Variants in TNS1 observed in about 807,000 individuals in gnomAD.
TNS1 encodes the protein tensin 1.
Under a neutral mutation model 168.6 loss-of-function variants are expected in TNS1, and 62 were observed. The ratio of observed to expected loss-of-function variants is 0.37; its 90% CI spans 0.30 to 0.45. The LOEUF is 0.45. TNS1 is among the 20% of genes least tolerant of loss of function. The pLI, the probability that TNS1 is intolerant of heterozygous loss-of-function variation, is 1.00. For synonymous variants in TNS1, 934 were observed against 933.2 expected (o/e 1.00, Z -0.02); for missense variants, 2,240 against 2,339.4 (o/e 0.96, Z 0.88).
rs1479860678 is a variant in TNS1, at chr2:217,886,104, C to G, written c.980G>C (p.Gly327Ala). The change falls in exon 14 of 33, where the codon GGA becomes GCA. Residue 327 changes from glycine (G) to alanine (A), a missense_variant and splice_region_variant. This residue lies in a region of TNS1 where 2,131 missense variants were observed against 2,171.2 expected (regional missense o/e 0.98). Coordinates refer to ENST00000682258, the MANE Select transcript of TNS1 (RefSeq NM_001387777.1). ...HGIPNFESKG[G>A]CRPFLRIYQA... ...GTAGATGCGGAGAAATGGCCGACAT[C>G]CTGTAAAAGTGGGGTGGGTGTTAGC... 3.7e-6 allele frequency: 6 copies of G among 1,613,528 alleles called. No individual in the cohort carries two copies. Among genetic ancestry groups the G allele is most frequent in the Non-Finnish European group, 4.2e-6 (5 of 1,179,958 alleles).
At chr2:217,949,847 T>A (rs1957199372) in intron 3 of TNS1, among the ~76,000 whole-genome samples, 1 of 152,164 alleles carries the variant, frequency 6.6e-6, no homozygotes, top group African/African-American at 2.4e-5. Context: ...CAAGGGAACA[T>A]TTTTCTTGGG....
intron 3 of TNS1, among the ~76,000 whole-genome samples, chr2:217,927,858 T>G (rs1956114455): frequency 6.6e-6 from 1 of 152,224 alleles, no homozygotes; most frequent in Non-Finnish European, 1.5e-5. Context: ...AGGCAGCTTC[T>G]GAGCCCTGTT....
Position 217,817,674 on chromosome 2 carries a change from AG to A in TNS1, c.4642+15del. The A allele has an allele frequency of 1.3e-6, 2 of 1,566,162 alleles. No homozygotes were observed. Among genetic ancestry groups the A allele is most frequent in the Non-Finnish European group, 8.7e-7 (1 of 1,150,774 alleles). On this transcript the variant is annotated intron_variant, in intron 24 of 32. Coordinates refer to ENST00000682258, the MANE Select transcript of TNS1 (RefSeq NM_001387777.1). Reference sequence around the variant, plus strand: ...CATCAGCAGGAGAGGTGAAAATGGAAGGGGGAGAGGCCCACCTGGCATGGAG... The same window carrying A: ...CATCAGCAGGAGAGGTGAAAATGGAAGGGGAGAGGCCCACCTGGCATGGAG...
At chr2:217,896,551 C>G (rs1395657160) in intron 8 of TNS1, among the ~76,000 whole-genome samples, 11 of 152,230 alleles carry the variant, frequency 7.2e-5, no homozygotes, top group Admixed American at 7.2e-4. Flanking sequence ...AGAAGGGATT[C>G]TCTGCCATAG....
At chr2:217,877,625 C>G (rs1010051166) in intron 18 of TNS1, among the ~76,000 whole-genome samples, 1 of 152,196 alleles carries the variant, frequency 6.6e-6, no homozygotes, top group East Asian at 1.9e-4. Context: ...CGGGAGAGGG[C>G]TCTAAGTGTC....
intron 19 of TNS1, chr2:217,841,198 C>G: frequency 4.1e-6 from 4 of 984,870 alleles, no homozygotes; most frequent in Non-Finnish European, 4.8e-6. Context: ...GAGCCACCCA[C>G]CAGAGAGGGA....
At chr2:217,876,338 G>T (rs997168555) in intron 18 of TNS1, among the ~76,000 whole-genome samples, 3 of 152,186 alleles carry the variant, frequency 2.0e-5, no homozygotes, top group Admixed American at 1.3e-4. Flanking sequence ...CCTGGAATCT[G>T]GGCACGGGGC....
intron 3 of TNS1, among the ~76,000 whole-genome samples, chr2:217,922,058 CG>C (rs1416425838): frequency 6.6e-6 from 1 of 152,156 alleles, no homozygotes; most frequent in Non-Finnish European, 1.5e-5. Context: ...CCCAGAAGCC[CG>C]GGGTCCTTAA....
chr2:217,896,999 G>C (rs1952379475), intron 8 of TNS1, among the ~76,000 whole-genome samples: 1 of 152,148 alleles, frequency 6.6e-6, no homozygotes, highest in South Asian at 2.1e-4. Context: ...GATGGATTGA[G>C]TCCAAAGAGG....
In TNS1 at chr2:217,818,205, A is replaced by C; in HGVS notation, c.4127T>G (p.Leu1376Arg). The C allele has an allele frequency of 6.2e-7, 1 of 1,613,862 alleles. No individual in the cohort carries two copies. The highest frequency in any genetic ancestry group is 8.5e-7 in the Non-Finnish European group (1 of 1,179,912). The change falls in exon 24 of 33, where the codon CTG (leucine) becomes CGG (arginine). Residue 1376 changes from leucine (L) to arginine (R), a missense_variant. By Grantham distance (102) the Leu-to-Arg change is moderately radical (BLOSUM62 -2). This residue lies in a region of TNS1 where 2,131 missense variants were observed against 2,171.2 expected (regional missense o/e 0.98). Transcript: ENST00000682258. ...KVATTPGSPSLGRHPGAHQGN... is the reference protein window; with the variant it reads ...KVATTPGSPSRGRHPGAHQGN... ...TTGGTGAGCCCCAGGGTGCCGGCCCAGGCTGGGACTCCCCGGGGTGGTGGC... is the reference window on the plus strand; with the variant it reads ...TTGGTGAGCCCCAGGGTGCCGGCCCCGGCTGGGACTCCCCGGGGTGGTGGC...
In TNS1 at chr2:217,848,118, A is replaced by G. The variant is rs1378305494; in HGVS notation, c.2399T>C (p.Leu800Pro). ...CTGAGGGCTGGGCCTGCTGGCTACA[A>G]GACTCTCCAAGTGGGCTCTTTCCTG... ...RQQERAHLES[L>P]VASRPSPQPL... The change falls in exon 19 of 33, where the codon CTT becomes CCT. Residue 800 changes from leucine (L) to proline (P), a missense_variant. This residue lies in a region of TNS1 where 2,131 missense variants were observed against 2,171.2 expected (regional missense o/e 0.98). Transcript: ENST00000682258. The G allele has an allele frequency of 3.2e-6, 5 of 1,584,700 alleles. No homozygotes were observed. The highest frequency in any genetic ancestry group is 4.3e-6 in the Non-Finnish European group (5 of 1,166,680).
intron 19 of TNS1, among the ~76,000 whole-genome samples, chr2:217,841,606 G>T (rs932813835): frequency 6.6e-6 from 1 of 152,052 alleles, no homozygotes; most frequent in Non-Finnish European, 1.5e-5. Flanking sequence ...GCACCACAGC[G>T]TTTCCCTCTC....
chr2:217,931,128 C>T (rs1457104129), intron 3 of TNS1, among the ~76,000 whole-genome samples: 3 of 152,238 alleles, frequency 2.0e-5, no homozygotes, highest in Middle Eastern at 3.4e-3. Context: ...ACTTGTGGCC[C>T]GGTGGGGGAG....
intron 18 of TNS1, chr2:217,858,506 G>C (rs1290527133): frequency 1.0e-6 from 1 of 986,006 alleles, no homozygotes; most frequent in African/African-American, 1.7e-5. Flanking sequence ...TGGAGGGAGG[G>C]AGGGAGAGGG....
At position 217,799,819 on chromosome 2, in the gene TNS1, A is replaced by G. The variant is rs1559117080; in HGVS notation, c.*4640T>C. The G allele has an allele frequency of 6.6e-6, 1 of 152,204 alleles. No individual in the cohort carries two copies. 9.4% of individuals were successfully genotyped at this position (152,204 alleles called of 1,614,324 possible). A position where few individuals can be genotyped will look rare whatever the true frequency, so the allele number is the denominator to read the frequency against. On this transcript the variant is annotated 3_prime_UTR_variant, in exon 33 of 33. Coordinates refer to ENST00000682258, the MANE Select transcript of TNS1 (RefSeq NM_001387777.1). ...TTTTCTTTAACTTTATCATTTATAA[A>G]GCCATACAATGCATTGCAAAGAAAC...
intron 3 of TNS1, among the ~76,000 whole-genome samples, chr2:217,967,784 T>C (rs114385145): frequency 2.5e-3 from 376 of 152,170 alleles, no homozygotes; most frequent in Middle Eastern, 0.01. Context: ...TTCCAAAACA[T>C]AGAAGACAAA....
At chr2:217,894,274 A>T (rs1217402339) in intron 9 of TNS1, among the ~76,000 whole-genome samples, 8 of 152,216 alleles carry the variant, frequency 5.3e-5, no homozygotes, top group Admixed American at 5.2e-4. Context: ...CCCACCCAGG[A>T]TCACACAACA....
At position 217,960,545 on chromosome 2, in the gene TNS1, A is replaced by C. The variant is rs377727473; in HGVS notation, c.186+18220T>G. ...GCACAGATGGCCCATGCTGTTTTCC[A>C]CAGGTCCATGCCAGGCAGGCTGGGA... On this transcript the variant is annotated intron_variant, in intron 3 of 32. Transcript: ENST00000682258. Among the ~76,000 whole-genome samples, 31 of 152,216 alleles carry C rather than the reference A, an allele frequency of 2.0e-4. No individual in the cohort carries two copies. In the East Asian group the frequency reaches 3.3e-3, roughly 16 times the overall value.
chr2:217,950,839 A>G (rs1427597786), intron 3 of TNS1, among the ~76,000 whole-genome samples: 1 of 150,468 alleles, frequency 6.6e-6, no homozygotes, highest in East Asian at 1.9e-4. Context: ...CCCCTGCTTC[A>G]GTTTACCCCT....
Sources: gnomAD v4.1 joint callset for allele counts (sites outside exome capture counted in the v4.1 genomes callset) on GRCh38, gnomAD v4.1.1 for gene constraint, gnomAD v4.1.1 regional missense constraint, MANE v1.5 for transcripts, NCBI Gene and HGNC (gene_info 2026-07-23, HGNC 2026-07-21) for gene names.